The following GBF1 variants were observed in gnomAD, a reference collection of about 807,000 sequenced individuals.
GBF1 encodes Golgi-specific brefeldin A-resistance guanine nucleotide exchange factor 1.
A neutral mutation model predicts 210.5 loss-of-function variants in GBF1; 114 were observed. The observed-to-expected ratio is 0.54, with a 90% CI of 0.47 to 0.63. The LOEUF (loss-of-function observed/expected upper bound fraction) is 0.63, where lower values mean the gene tolerates loss of function less well. Among genes scored for constraint, GBF1 ranks in the 30% least tolerant of loss-of-function variants. GBF1 has a pLI of 0.00. For missense variants in GBF1, 1,851 were observed against 2,357.7 expected (o/e 0.79, Z 4.45); for synonymous variants, 850 against 889.2 (o/e 0.96, Z 0.78).
chr10:102,347,465 C>G (rs1175774468), intron 4 of GBF1, among the ~76,000 whole-genome samples: 1 of 152,144 alleles, frequency 6.6e-6, no homozygotes, highest in Non-Finnish European at 1.5e-5. Flanking sequence ...TGCCTTTTCC[C>G]TCTGCTGTCT....
rs540328089 is a variant in GBF1 at position 102,307,647 on chromosome 10, C to T, written c.164-36404C>T. ...CTACTAAAAATACAAAAAAATTAGCCGGGCGTGGTGGCGGGTGCCTATAGT... is the reference window on the plus strand; with the variant it reads ...CTACTAAAAATACAAAAAAATTAGCTGGGCGTGGTGGCGGGTGCCTATAGT... On this transcript the variant is annotated intron_variant, in intron 3 of 39. Coordinates refer to ENST00000369983, the MANE Select transcript of GBF1 (RefSeq NM_001377137.1). 3.9e-5 allele frequency among the ~76,000 whole-genome samples: 6 copies of T among 152,060 alleles called. No individual in the cohort carries two copies. The South Asian group carries it at 8.3e-4, about 21-fold the overall frequency.
chr10:102,268,720 G>C (rs915168811), intron 3 of GBF1, among the ~76,000 whole-genome samples: 20 of 152,166 alleles, frequency 1.3e-4, no homozygotes, highest in African/African-American at 4.8e-4. Flanking sequence ...GATTAGGAGA[G>C]ATAGTGAAGA....
intron 3 of GBF1, among the ~76,000 whole-genome samples, chr10:102,292,206 G>C (rs1392065010): frequency 6.6e-6 from 1 of 151,300 alleles, no homozygotes; most frequent in Non-Finnish European, 1.5e-5. Flanking sequence ...CTTTTTCTAA[G>C]GTCCTAGTTT....
At chr10:102,350,080 G>T (rs2058840562) in intron 4 of GBF1, among the ~76,000 whole-genome samples, 1 of 152,144 alleles carries the variant, frequency 6.6e-6, no homozygotes, top group Admixed American at 6.6e-5. Context: ...GCCAGGCATG[G>T]TAGCTCACAC....
At chr10:102,293,764 G>GTTTATTTTTTTTTTTTTTT (rs2076643112) in intron 3 of GBF1, among the ~76,000 whole-genome samples, 1 of 50,888 alleles carries the variant, frequency 2.0e-5, no homozygotes, top group Non-Finnish European at 4.2e-5. Context: ...GCTGTAGTAT[G>GTTTATTTTTTTTTTTTTTT]TTTTGTGTTT....
At position 102,359,378 on chromosome 10, in the gene GBF1, G is replaced by A. The variant is rs1431499385; in HGVS notation, c.1123G>A (p.Asp375Asn). ...CCACTCTGACTCTGCCTCTGTCCATGACATGGATTACGTCAATCCCCGGGG... is the reference window on the plus strand; with the variant it reads ...CCACTCTGACTCTGCCTCTGTCCATAACATGGATTACGTCAATCCCCGGGG... Reference protein sequence around the residue: ...ADHSDSASVHDMDYVNPRGVR... With the variant: ...ADHSDSASVHNMDYVNPRGVR... Residue 375 changes from aspartate to asparagine, a missense_variant, in exon 11 of 40, where the codon GAC becomes AAC. This residue lies in a region of GBF1 where 804 missense variants were observed against 958.6 expected (regional missense o/e 0.84). Transcript: ENST00000369983. 1 of 1,613,830 alleles carries A rather than the reference G, an allele frequency of 6.2e-7. No individual in the cohort carries two copies. The highest frequency in any genetic ancestry group is 8.5e-7 in the Non-Finnish European group (1 of 1,179,726).
chr10:102,340,587 T>A (rs1402750036), intron 3 of GBF1, among the ~76,000 whole-genome samples: 3 of 151,968 alleles, frequency 2.0e-5, no homozygotes, highest in South Asian at 4.2e-4. Flanking sequence ...TTTTAATTAT[T>A]TTCTGTAGAG....
rs1054318541 is a variant in GBF1, at chr10:102,359,316, T to C, written c.1061T>C (p.Ile354Thr). Residue 354 changes from isoleucine to threonine, a missense_variant, in exon 11 of 40, where the codon ATC becomes ACC. Ile to Thr is a moderately conservative substitution (Grantham distance 89). Around this residue, in one of 3 missense-constraint regions of GBF1, gnomAD observed 804 missense variants for 958.6 expected, o/e 0.84. Transcript: ENST00000369983. Reference sequence around the variant, plus strand: ...TCCCAGTCAGCATCTGTGGAGTCCATCCCTGAAGTGTTAGAGGAGTGCACG... The same window carrying C: ...TCCCAGTCAGCATCTGTGGAGTCCACCCCTGAAGTGTTAGAGGAGTGCACG... The part of the protein sequence containing the change: ...EKSQSASVES[I>T]PEVLEECTSP... 1.2e-6 allele frequency: 2 copies of C among 1,611,642 alleles called. No homozygotes were observed. The highest frequency in any genetic ancestry group is 2.7e-5 in the African/African-American group (2 of 74,848).
At position 102,261,951 on chromosome 10, in the gene GBF1, C is replaced by T. The variant is rs180917509; in HGVS notation, c.163+1835C>T. Reference sequence around the variant, plus strand: ...TTTTCTTTTTGTGCAGTGGCGTGATCTCAGCTCACTGTAACTTCTGCTTCT... The same window carrying T: ...TTTTCTTTTTGTGCAGTGGCGTGATTTCAGCTCACTGTAACTTCTGCTTCT... On this transcript the variant is annotated intron_variant, in intron 3 of 39. Transcript: ENST00000369983. Among the ~76,000 whole-genome samples the T allele has an allele frequency of 4.8e-3, 730 of 152,194 alleles. 2 individuals are homozygous for T. The highest frequency in any genetic ancestry group is 0.014 in the Middle Eastern group (4 of 294).
rs148565498 is a variant in GBF1 at position 102,262,723 on chromosome 10, C to T, written c.163+2607C>T. Among the ~76,000 whole-genome samples the T allele has an allele frequency of 1.5e-3, 232 of 152,302 alleles. 1 individual carries two copies. Among genetic ancestry groups the T allele is most frequent in the African/African-American group, 5.3e-3 (220 of 41,556 alleles). The stretch of plus-strand genomic sequence containing the variant: ...ATGCTAACATGTCCCAAGATTTTAC[C>T]TCAGAGACCATACCTGTGGTGAATG... On this transcript the variant is annotated intron_variant, in intron 3 of 39. Coordinates refer to ENST00000369983, the MANE Select transcript of GBF1 (RefSeq NM_001377137.1).
At chr10:102,288,474 G>A (rs1373165773) in intron 3 of GBF1, among the ~76,000 whole-genome samples, 1 of 151,906 alleles carries the variant, frequency 6.6e-6, no homozygotes, top group East Asian at 1.9e-4. Context: ...CACTTTGGGA[G>A]GCCGAGGCGG....
At position 102,361,065 on chromosome 10, in the gene GBF1, G is replaced by A. The variant is rs2059576157; in HGVS notation, c.1436G>A (p.Arg479Gln). The A allele has an allele frequency of 2.5e-6, 4 of 1,608,082 alleles. No homozygotes were observed. Among genetic ancestry groups the A allele is most frequent in the South Asian group, 2.2e-5 (2 of 90,982 alleles). The part of the protein sequence containing the change: ...ERLNLYAASL[R>Q]VCFLLFESMR... ...CTAAACCTTTATGCTGCTTCCCTGC[G>A]AGTATGCTTCCTACTGTTTGAGAGC... Residue 479 changes from arginine to glutamine, a missense_variant, in exon 13 of 40, where the codon CGA (arginine) becomes CAA (glutamine). By Grantham distance (43) the Arg-to-Gln change is conservative. Around this residue, in one of 3 missense-constraint regions of GBF1, gnomAD observed 804 missense variants for 958.6 expected, o/e 0.84. Coordinates refer to ENST00000369983, the MANE Select transcript of GBF1 (RefSeq NM_001377137.1).
intron 1 of GBF1, among the ~76,000 whole-genome samples, chr10:102,257,813 T>G (rs376556924): frequency 6.6e-6 from 1 of 152,246 alleles, no homozygotes; most frequent in East Asian, 1.9e-4. Flanking sequence ...CAGGCTGGTC[T>G]TAAATTCCTG....
At chr10:102,352,423 A>T in intron 6 of GBF1, 35 bp from the exon 7 acceptor site, 1 of 1,445,154 alleles carries the variant, frequency 6.9e-7, no homozygotes, top group Non-Finnish European at 9.7e-7. Flanking sequence ...CACAGCAAGT[A>T]ATGACACCTG....
chr10:102,330,883 C>T (rs2057286651), intron 3 of GBF1, among the ~76,000 whole-genome samples: 1 of 152,174 alleles, frequency 6.6e-6, no homozygotes, highest in Admixed American at 6.5e-5. Context: ...ATTCATACAT[C>T]ATATTGGACA....
chr10:102,369,494 C>T, intron 24 of GBF1, 107 bp downstream of exon 24: 3 of 929,650 alleles, frequency 3.2e-6, no homozygotes, highest in Non-Finnish European at 5.0e-6. Context: ...GGGCCTGATG[C>T]CTGCCACAGC....
chr10:102,293,870 C>T (rs752320411), intron 3 of GBF1, among the ~76,000 whole-genome samples: 24 of 144,254 alleles, frequency 1.7e-4, no homozygotes, highest in Non-Finnish European at 3.5e-4. Context: ...CTCAACCTCC[C>T]GGGTTCACAC....
At chr10:102,344,530 G>C (rs2058401821) in intron 4 of GBF1, among the ~76,000 whole-genome samples, 1 of 152,100 alleles carries the variant, frequency 6.6e-6, no homozygotes, top group South Asian at 2.1e-4. Flanking sequence ...GCCCAGGCTG[G>C]AGTGCAGTGG....
chr10:102,323,787 AG>A (rs1396486461), intron 3 of GBF1, among the ~76,000 whole-genome samples: 2 of 152,166 alleles, frequency 1.3e-5, no homozygotes, highest in African/African-American at 2.4e-5. Context: ...GGGGGTAGCA[AG>A]GGAAGCCTTT....
Sources: gnomAD v4.1 joint callset for allele counts (sites outside exome capture counted in the v4.1 genomes callset) on GRCh38, gnomAD v4.1.1 for gene constraint, gnomAD v4.1.1 regional missense constraint, MANE v1.5 for transcripts, NCBI Gene and HGNC (gene_info 2026-07-23, HGNC 2026-07-21) for gene names.